The following HOMER2 variants were observed in gnomAD, a reference collection of about 807,000 sequenced individuals.
HOMER2 encodes homer protein homolog 2.
In HOMER2, 27 loss-of-function variants were observed where a neutral mutation model predicts 47.0. The observed-to-expected ratio is 0.57, with a 90% CI of 0.42 to 0.79. HOMER2 has a LOEUF of 0.79. Ranked by LOEUF, HOMER2 falls within the 30% of genes least tolerant of loss-of-function variation. The pLI is 0.00. For missense variants in HOMER2, 443 were observed against 435.0 expected, an observed-to-expected ratio of 1.02 and a Z score of -0.16; for synonymous variants, 161 against 163.8, an observed-to-expected ratio of 0.98 and a Z score of 0.13.
At chr15:82,966,769 T>G (rs937851927) in intron 1 of HOMER2, among the ~76,000 whole-genome samples, 2 of 152,234 alleles carry the variant, frequency 1.3e-5, no homozygotes, top group African/African-American at 4.8e-5. Context: ...GTGAGCAAAG[T>G]TGTTTCTCAG....
At chr15:82,928,958 A>AAAAAAAAAAAAAAAAAAC (rs2053933253) in intron 1 of HOMER2, among the ~76,000 whole-genome samples, 2 of 148,802 alleles carry the variant, frequency 1.3e-5, no homozygotes, top group Non-Finnish European at 3.0e-5. Flanking sequence ...AAAAAAAAAA[A>AAAAAAAAAAAAAAAAAAC]AAGCTGTCAT....
At chr15:82,858,315 A>G (rs532104497) in intron 5 of HOMER2, among the ~76,000 whole-genome samples, 1 of 151,742 alleles carries the variant, frequency 6.6e-6, no homozygotes, top group African/African-American at 2.4e-5. Flanking sequence ...TTGAGACAAG[A>G]GTCTCACTCT....
At chr15:82,892,922 C>A in intron 1 of HOMER2, 81 bp from the exon 2 acceptor site, 1 of 1,142,032 alleles carries the variant, frequency 8.8e-7, no homozygotes, top group Non-Finnish European at 1.2e-6. Flanking sequence ...CCTACTGCCC[C>A]AAAAGATTTT....
intron 1 of HOMER2, among the ~76,000 whole-genome samples, chr15:82,977,826 G>C (rs980100374): frequency 6.6e-6 from 1 of 152,084 alleles, no homozygotes; most frequent in Admixed American, 6.6e-5. Flanking sequence ...ACTGAGGGGA[G>C]AGGAAGTGGG....
intron 1 of HOMER2, among the ~76,000 whole-genome samples, chr15:82,931,443 C>G (rs2054008054): frequency 6.6e-6 from 1 of 151,926 alleles, no homozygotes; most frequent in South Asian, 2.1e-4. Flanking sequence ...TTAGCTCCCT[C>G]CCTTGAAGCC....
intron 1 of HOMER2, among the ~76,000 whole-genome samples, chr15:82,896,448 G>A (rs1567039550): frequency 6.6e-6 from 1 of 152,344 alleles, no homozygotes. Flanking sequence ...TGGATGGACT[G>A]AAGTCATGGT....
downstream of HOMER2, among the ~76,000 whole-genome samples, chr15:82,836,484 AAGTGCC>A (rs2051128626): frequency 6.6e-6 from 1 of 152,202 alleles, no homozygotes; most frequent in African/African-American, 2.4e-5. Flanking sequence ...CTGCTCTCTT[AAGTGCC>A]TGGAATTCTC....
chr15:82,916,796 C>T (rs528357484), intron 1 of HOMER2, among the ~76,000 whole-genome samples: 1 of 152,064 alleles, frequency 6.6e-6, no homozygotes, highest in East Asian at 1.9e-4. Flanking sequence ...CTGGAAAGAG[C>T]CAGAGCCCTC....
At chr15:82,967,808 C>T (rs898457669) in intron 1 of HOMER2, among the ~76,000 whole-genome samples, 7 of 150,704 alleles carry the variant, frequency 4.6e-5, no homozygotes, top group African/African-American at 1.2e-4. Context: ...ACCCGGAAAG[C>T]GGAGGTTGCA....
intron 3 of HOMER2, among the ~76,000 whole-genome samples, chr15:82,868,434 G>T (rs894156739): frequency 6.7e-6 from 1 of 149,274 alleles, no homozygotes; most frequent in African/African-American, 2.5e-5. Flanking sequence ...GAGGGTGGAG[G>T]GTGGAGGGTA....
At chr15:82,852,892 C>T (rs2051444435) in intron 6 of HOMER2, 1 of 152,436 alleles carries the variant, frequency 6.6e-6, no homozygotes, top group Admixed American at 6.5e-5. Flanking sequence ...CAAGGCTGAC[C>T]CCTCAAAACA....
chr15:82,956,576 G>A (rs943868922), upstream of HOMER2, among the ~76,000 whole-genome samples: 1 of 152,212 alleles, frequency 6.6e-6, no homozygotes, highest in African/African-American at 2.4e-5. Context: ...GGGGACAAGA[G>A]TAAAACATGG....
At chr15:82,840,622 T>G (rs1249204769) in exon 2 of HOMER2, 1 of 152,040 alleles carries the variant, frequency 6.6e-6, no homozygotes, top group Non-Finnish European at 1.5e-5. Context: ...CCTAGCTAAT[T>G]TTTAGTAGCG....
At chr15:82,860,947 GAT>G (rs2051755274) in intron 4 of HOMER2, among the ~76,000 whole-genome samples, 1 of 138,944 alleles carries the variant, frequency 7.2e-6, no homozygotes, top group Non-Finnish European at 1.6e-5. Flanking sequence ...AAAGATAGAA[GAT>G]AGAAGATGAG....
chr15:82,962,494 C>T (rs1248917177), intron 1 of HOMER2, among the ~76,000 whole-genome samples: 3 of 151,548 alleles, frequency 2.0e-5, no homozygotes, highest in African/African-American at 2.4e-5. Flanking sequence ...CTGACCAACA[C>T]GGCGAAATGC....
chr15:82,949,565 G>A (rs2054460293), intron 1 of HOMER2, among the ~76,000 whole-genome samples: 1 of 152,198 alleles, frequency 6.6e-6, no homozygotes, highest in Non-Finnish European at 1.5e-5. Context: ...AGACTGTAGA[G>A]TATGGAGAGT....
At chr15:82,928,377 T>C (rs879487983) in intron 1 of HOMER2, among the ~76,000 whole-genome samples, 1 of 152,192 alleles carries the variant, frequency 6.6e-6, no homozygotes, top group Admixed American at 6.5e-5. Context: ...TGCATGGATG[T>C]AGGGGGAAAT....
At chr15:82,859,588 G>C (rs1489597512) in intron 4 of HOMER2, among the ~76,000 whole-genome samples, 1 of 152,116 alleles carries the variant, frequency 6.6e-6, no homozygotes, top group Non-Finnish European at 1.5e-5. Context: ...TATTAGAAAA[G>C]GAGACAACTT....
intron 1 of HOMER2, among the ~76,000 whole-genome samples, chr15:82,945,765 T>G (rs148612760): frequency 6.6e-6 from 1 of 151,700 alleles, no homozygotes; most frequent in African/African-American, 2.4e-5. Context: ...GGTCAGGAGA[T>G]CGAGACCATC....
Sources: gnomAD v4.1 joint callset for allele counts (sites outside exome capture counted in the v4.1 genomes callset) on GRCh38, gnomAD v4.1.1 for gene constraint, MANE v1.5 for transcripts, NCBI Gene and HGNC (gene_info 2026-07-23, HGNC 2026-07-21) for gene names.